The following KHDRBS2 variants were observed in gnomAD, a reference collection of about 807,000 sequenced individuals.
KHDRBS2 encodes the protein KH RNA binding domain containing, signal transduction associated 2.
A neutral mutation model predicts 44.3 loss-of-function variants in KHDRBS2; 26 were observed. That is an observed-to-expected ratio of 0.59 (90% CI 0.43 to 0.81). The LOEUF is 0.81. Ranked by LOEUF, KHDRBS2 falls within the 40% of genes least tolerant of loss-of-function variation. KHDRBS2 has a pLI of 0.00. For missense variants in KHDRBS2, 476 were observed against 433.1 expected, an observed-to-expected ratio of 1.10 and a Z score of -0.88; for synonymous variants, 194 against 151.1, an observed-to-expected ratio of 1.28 and a Z score of -2.08.
chr6:62,163,380 A>T (rs1243305362), intron 2 of KHDRBS2, among the ~76,000 whole-genome samples: 1 of 152,082 alleles, frequency 6.6e-6, no homozygotes, highest in Non-Finnish European at 1.5e-5. Context: ...AATATGCTCA[A>T]TATTAGATCC....
the KHDRBS2 span, among the ~76,000 whole-genome samples, chr6:61,572,437 T>A: frequency 6.6e-6 from 1 of 151,960 alleles, no homozygotes; most frequent in Admixed American, 6.6e-5. Context: ...TTTCAAAAGA[T>A]AAAGAGGGAA....
intron 6 of KHDRBS2, among the ~76,000 whole-genome samples, chr6:61,780,346 A>G (rs1782746764): frequency 1.3e-5 from 2 of 152,050 alleles, no homozygotes; most frequent in Non-Finnish European, 2.9e-5. Context: ...CTAAAAACAC[A>G]AAAAATAGCC....
intron 8 of KHDRBS2, among the ~76,000 whole-genome samples, chr6:61,690,026 A>G (rs76374082): frequency 0.041 from 6,247 of 152,084 alleles, 150 homozygotes; most frequent in East Asian, 0.085. Context: ...CAAATATGCC[A>G]TCATTCAATA....
the KHDRBS2 span, among the ~76,000 whole-genome samples, chr6:61,612,573 C>T: frequency 6.6e-6 from 1 of 152,286 alleles, no homozygotes; most frequent in Non-Finnish European, 1.5e-5. Context: ...ACCATAGTGC[C>T]AGGCACAAAA....
At chr6:62,101,067 A>G (rs1436006639) in intron 2 of KHDRBS2, among the ~76,000 whole-genome samples, 3 of 152,328 alleles carry the variant, frequency 2.0e-5, no homozygotes, top group Middle Eastern at 3.4e-3. Context: ...CAAGACAAGC[A>G]TTATAGCTCA....
intron 2 of KHDRBS2, among the ~76,000 whole-genome samples, chr6:62,076,324 A>C (rs1201208562): frequency 2.6e-5 from 4 of 152,042 alleles, no homozygotes; most frequent in Admixed American, 2.6e-4. Flanking sequence ...CTATGATTTC[A>C]TATGTTGACA....
At chr6:61,559,379 T>C in the KHDRBS2 span, among the ~76,000 whole-genome samples, 3 of 151,774 alleles carry the variant, frequency 2.0e-5, no homozygotes, top group Admixed American at 6.6e-5. Context: ...TCAGCCAGTC[T>C]ATGTCTTTTA....
intron 1 of KHDRBS2, among the ~76,000 whole-genome samples, chr6:62,255,126 G>A (rs1455302311): frequency 6.6e-6 from 1 of 151,898 alleles, no homozygotes; most frequent in Non-Finnish European, 1.5e-5. Context: ...AAATAAACAG[G>A]CAGCTTTCAA....
chr6:62,214,222 C>T (rs1463296430), intron 1 of KHDRBS2, among the ~76,000 whole-genome samples: 2 of 151,832 alleles, frequency 1.3e-5, no homozygotes, highest in Non-Finnish European at 2.9e-5. Context: ...GCTGATATAC[C>T]CTTTACTTTT....
At chr6:61,700,585 C>A (rs1768498395) in intron 7 of KHDRBS2, among the ~76,000 whole-genome samples, 1 of 151,386 alleles carries the variant, frequency 6.6e-6, no homozygotes, top group Non-Finnish European at 1.5e-5. Flanking sequence ...ATAGTGAATA[C>A]ACCCTTTCAG....
intron 2 of KHDRBS2, among the ~76,000 whole-genome samples, chr6:62,075,639 C>T (rs2127349680): frequency 6.6e-6 from 1 of 152,008 alleles, no homozygotes; most frequent in African/African-American, 2.4e-5. Flanking sequence ...TTTTTTCCTC[C>T]TGCTTTCTTT....
At chr6:61,786,746 CTT>C (rs967130849) in intron 6 of KHDRBS2, among the ~76,000 whole-genome samples, 3 of 151,750 alleles carry the variant, frequency 2.0e-5, no homozygotes, top group Non-Finnish European at 4.4e-5. Flanking sequence ...GGTAAGTAAA[CTT>C]TTTAGTTGGT....
chr6:62,240,280 G>A (rs1834383993), intron 1 of KHDRBS2, among the ~76,000 whole-genome samples: 1 of 151,846 alleles, frequency 6.6e-6, no homozygotes, highest in Non-Finnish European at 1.5e-5. Context: ...CATCACTGTG[G>A]GTGTTTTATT....
chr6:61,740,098 A>G (rs1775931177), intron 6 of KHDRBS2, among the ~76,000 whole-genome samples: 1 of 151,926 alleles, frequency 6.6e-6, no homozygotes, highest in Non-Finnish European at 1.5e-5. Context: ...CTCCAAGAGT[A>G]TGTAACAGGT....
At position 61,955,154 on chromosome 6, in the gene KHDRBS2, A is replaced by ATATACACATACGTG. The variant is rs1562517059; in HGVS notation, c.483+22911_483+22912insCACGTATGTGTATA. Among the ~76,000 whole-genome samples the ATATACACATACGTG allele has an allele frequency of 1.8e-4, 26 of 144,808 alleles. No homozygotes were observed. In the East Asian group the frequency reaches 2.8e-3, roughly 16 times the overall value. 95.0% of individuals were successfully genotyped at this position (144,808 alleles called of 152,430 possible). On this transcript the variant is annotated intron_variant, in intron 4 of 8. Coordinates refer to ENST00000281156, the MANE Select transcript of KHDRBS2 (RefSeq NM_152688.4). ...CATATGTATATACACATACGTGTGT[A>ATATACACATACGTG]TGTATGTATACATATGTGTATATAC...
At chr6:62,136,626 C>A (rs1209665341) in intron 2 of KHDRBS2, among the ~76,000 whole-genome samples, 3 of 151,988 alleles carry the variant, frequency 2.0e-5, no homozygotes, top group Non-Finnish European at 1.5e-5. Context: ...TTTTTCTCTT[C>A]TATGAAAATA....
chr6:62,029,993 A>G (rs1784053432), intron 3 of KHDRBS2, among the ~76,000 whole-genome samples: 1 of 152,050 alleles, frequency 6.6e-6, no homozygotes, highest in African/African-American at 2.4e-5. Flanking sequence ...GGAAAAGACC[A>G]TTTAGAGTTC....
intron 4 of KHDRBS2, among the ~76,000 whole-genome samples, chr6:61,910,588 AT>A (rs1192665282): frequency 2.0e-5 from 3 of 152,168 alleles, no homozygotes; most frequent in East Asian, 3.9e-4. Flanking sequence ...GTATGTAGAC[AT>A]TTTGCAGGAA....
intron 1 of KHDRBS2, among the ~76,000 whole-genome samples, chr6:62,191,627 C>T (rs1296068725): frequency 6.6e-6 from 1 of 152,090 alleles, no homozygotes; most frequent in Non-Finnish European, 1.5e-5. Context: ...CAGTCAGGCC[C>T]ACCCATCAGC....
Sources: allele counts gnomAD v4.1 joint callset (sites outside exome capture counted in the v4.1 genomes callset), GRCh38; gene constraint gnomAD v4.1.1; transcripts MANE v1.5; gene names NCBI Gene and HGNC (gene_info 2026-07-23, HGNC 2026-07-21).